CTNNA2: variants seen among roughly 807,000 people sequenced by gnomAD.
The protein encoded by CTNNA2 is catenin alpha 2.
Under a neutral mutation model 101.0 loss-of-function variants are expected in CTNNA2, and 42 were observed. That is an observed-to-expected ratio of 0.42 (90% CI 0.32 to 0.54). CTNNA2 has a LOEUF of 0.54. Ranked by LOEUF, CTNNA2 falls within the 20% of genes least tolerant of loss-of-function variation. CTNNA2 has a pLI of 0.14. For synonymous variants in CTNNA2, 450 were observed against 456.4 expected (o/e 0.99, Z 0.18); for missense variants, 871 against 1,223.1 (o/e 0.71, Z 4.29).
intron 1 of CTNNA2, among the ~76,000 whole-genome samples, chr2:79,645,008 G>C (rs767561068): frequency 2.0e-5 from 3 of 151,492 alleles, no homozygotes; most frequent in Non-Finnish European, 4.4e-5. Context: ...TTTGAGATGA[G>C]GTTTTACTCT....
At chr2:79,236,705 T>A (rs1674562419) in intron 2 of CTNNA2, among the ~76,000 whole-genome samples, 2 of 152,248 alleles carry the variant, frequency 1.3e-5, no homozygotes, top group African/African-American at 4.8e-5. Context: ...ATTTCAACAA[T>A]GTTCACAGCA....
At chr2:80,077,277 A>G (rs935141714) in intron 7 of CTNNA2, among the ~76,000 whole-genome samples, 1 of 152,248 alleles carries the variant, frequency 6.6e-6, no homozygotes, top group Non-Finnish European at 1.5e-5. Context: ...TAACACTTTA[A>G]GAAAGTAAAA....
chr2:80,110,752 A>G (rs1167910553), intron 7 of CTNNA2, among the ~76,000 whole-genome samples: 1 of 152,200 alleles, frequency 6.6e-6, no homozygotes, highest in Non-Finnish European at 1.5e-5. Flanking sequence ...GCACCACTGT[A>G]GTAGCATGGA....
At chr2:79,838,977 C>CTGGTATTAAGTA (rs1400200718) in intron 3 of CTNNA2, among the ~76,000 whole-genome samples, 1 of 152,078 alleles carries the variant, frequency 6.6e-6, no homozygotes, top group Non-Finnish European at 1.5e-5. Flanking sequence ...CCACTTATTA[C>CTGGTATTAAGTA]TGGGCGCTTA....
intron 7 of CTNNA2, among the ~76,000 whole-genome samples, chr2:79,950,330 T>C (rs1192113038): frequency 6.6e-6 from 1 of 152,224 alleles, no homozygotes; most frequent in Non-Finnish European, 1.5e-5. Flanking sequence ...ATGTAATTTG[T>C]AGTTCTTTAC....
At chr2:80,044,175 A>G (rs963099907) in intron 7 of CTNNA2, among the ~76,000 whole-genome samples, 1 of 152,236 alleles carries the variant, frequency 6.6e-6, no homozygotes, top group South Asian at 2.1e-4. Context: ...AGGCTGATAT[A>G]TTAGTATACA....
At chr2:79,867,488 G>T (rs7582888) in intron 4 of CTNNA2, among the ~76,000 whole-genome samples, 23,993 of 151,784 alleles carry the variant, frequency 0.16, 1,989 homozygotes, top group East Asian at 0.22. Context: ...TTATTTCTGT[G>T]GGACCTTGGA....
chr2:79,878,296 C>T (rs980364191), intron 6 of CTNNA2, among the ~76,000 whole-genome samples: 19 of 152,088 alleles, frequency 1.2e-4, no homozygotes, highest in African/African-American at 3.9e-4. Context: ...TGTGGCTTTA[C>T]GGTAGAAAGA....
intron 7 of CTNNA2, among the ~76,000 whole-genome samples, chr2:80,152,206 T>C (rs150314094): frequency 1.6e-3 from 247 of 152,330 alleles, no homozygotes; most frequent in African/African-American, 5.8e-3. Flanking sequence ...CTTTCAACAC[T>C]TCAGCATCTG....
intron 7 of CTNNA2, among the ~76,000 whole-genome samples, chr2:80,062,608 A>G (rs1224785665): frequency 6.6e-6 from 1 of 151,656 alleles, no homozygotes; most frequent in Non-Finnish European, 1.5e-5. Flanking sequence ...TTTTGAGGAT[A>G]TGGGATCAAA....
chr2:80,423,081 G>A (rs1680676360), intron 9 of CTNNA2, among the ~76,000 whole-genome samples: 1 of 151,166 alleles, frequency 6.6e-6, no homozygotes, highest in African/African-American at 2.5e-5. Context: ...TAATTAGTAT[G>A]CTCTCTTTTT....
intron 2 of CTNNA2, among the ~76,000 whole-genome samples, chr2:79,311,589 C>A (rs1676375846): frequency 6.6e-6 from 1 of 152,094 alleles, no homozygotes; most frequent in Non-Finnish European, 1.5e-5. Flanking sequence ...TAAAAGTCAG[C>A]AACTTCCCAC....
intron 1 of CTNNA2, chr2:79,523,204 A>G: frequency 2.3e-6 from 1 of 428,672 alleles, no homozygotes; most frequent in Non-Finnish European, 4.7e-6. Flanking sequence ...GGCTGTCTAC[A>G]GAGATAAAAT....
At chr2:79,504,372 C>T (rs1404920026) in intron 4 of CTNNA2, among the ~76,000 whole-genome samples, 1 of 152,116 alleles carries the variant, frequency 6.6e-6, no homozygotes, top group Non-Finnish European at 1.5e-5. Context: ...TCACTGCAAC[C>T]TCCGCCTCCC....
chr2:80,495,656 G>C (rs1285421484), intron 9 of CTNNA2, among the ~76,000 whole-genome samples: 1 of 152,144 alleles, frequency 6.6e-6, no homozygotes, highest in African/African-American at 2.4e-5. Flanking sequence ...TGGCCATTCT[G>C]GCCAGGCACG....
chr2:79,866,706 A>AT (rs1278059200), intron 4 of CTNNA2: 2 of 152,126 alleles, frequency 1.3e-5, no homozygotes, highest in African/African-American at 2.4e-5. Flanking sequence ...TTATTAAGGC[A>AT]TTTTTCCCCC....
At chr2:79,991,305 G>T (rs1391178802) in intron 7 of CTNNA2, among the ~76,000 whole-genome samples, 1 of 152,136 alleles carries the variant, frequency 6.6e-6, no homozygotes, top group Non-Finnish European at 1.5e-5. Context: ...AAGCTACAGT[G>T]AATGGAATTG....
chr2:79,186,102 G>A (rs1673775876), intron 1 of CTNNA2, among the ~76,000 whole-genome samples: 1 of 152,160 alleles, frequency 6.6e-6, no homozygotes, highest in Non-Finnish European at 1.5e-5. Flanking sequence ...GGCAACAGCT[G>A]TTTAGACTAA....
intron 3 of CTNNA2, among the ~76,000 whole-genome samples, chr2:79,849,291 G>GT (rs1230223462): frequency 0.032 from 4,567 of 142,814 alleles, 117 homozygotes; most frequent in East Asian, 0.13. Context: ...GCATGATAGG[G>GT]TTTTTTTTTT....
Sources: gnomAD v4.1 joint callset for allele counts (sites outside exome capture counted in the v4.1 genomes callset) on GRCh38, gnomAD v4.1.1 for gene constraint, MANE v1.5 for transcripts, NCBI Gene and HGNC (gene_info 2026-07-23, HGNC 2026-07-21) for gene names.